Variants in MTUS2 observed in about 807,000 individuals in gnomAD.
MTUS2 encodes the protein microtubule associated scaffold protein 2.
Under a neutral mutation model 114.1 loss-of-function variants are expected in MTUS2, and 40 were observed. The ratio of observed to expected loss-of-function variants is 0.35; its 90% confidence interval spans 0.27 to 0.46. MTUS2 has a LOEUF of 0.46. MTUS2 is among the 20% of genes least tolerant of loss of function. MTUS2 has a pLI of 1.00. For missense variants in MTUS2, 1,679 were observed against 1,705.4 expected (o/e 0.98, Z 0.27); for synonymous variants, 688 against 672.0 (o/e 1.02, Z -0.37).
chr13:28,883,890 A>G (rs1012397777), intron 2 of MTUS2, among the ~76,000 whole-genome samples: 17 of 152,220 alleles, frequency 1.1e-4, no homozygotes, highest in African/African-American at 3.9e-4. Flanking sequence ...AGGGAAATAA[A>G]AAGTGTTGGT....
intron 5 of MTUS2, among the ~76,000 whole-genome samples, chr13:29,108,021 A>G (rs566777885): frequency 3.9e-5 from 6 of 152,356 alleles, no homozygotes; most frequent in South Asian, 2.1e-4. Flanking sequence ...GCTTTTTGCA[A>G]TGTTAACTTT....
chr13:29,226,482 G>A (rs1207176542), intron 5 of MTUS2, among the ~76,000 whole-genome samples: 1 of 152,062 alleles, frequency 6.6e-6, no homozygotes. Flanking sequence ...CTCAGTCAGA[G>A]GCCACCATCA....
intron 6 of MTUS2, among the ~76,000 whole-genome samples, chr13:29,302,397 G>T (rs1262162114): frequency 6.6e-6 from 1 of 152,174 alleles, no homozygotes; most frequent in Non-Finnish European, 1.5e-5. Flanking sequence ...AGGTCTTTGG[G>T]TCTATACACA....
chr13:29,378,266 C>CTT (rs775707632), intron 8 of MTUS2, among the ~76,000 whole-genome samples: 2 of 149,270 alleles, frequency 1.3e-5, no homozygotes, highest in Non-Finnish European at 3.0e-5. Context: ...GTCAGTGTTA[C>CTT]TGTATGTTAA....
At chr13:29,170,930 C>T (rs750404811) in intron 5 of MTUS2, among the ~76,000 whole-genome samples, 26 of 152,238 alleles carry the variant, frequency 1.7e-4, no homozygotes, top group Non-Finnish European at 3.2e-4. Context: ...GCTTGAATGG[C>T]GAGGGAGTGT....
At chr13:29,355,208 C>G (rs1479072674) in intron 7 of MTUS2, among the ~76,000 whole-genome samples, 1 of 152,228 alleles carries the variant, frequency 6.6e-6, no homozygotes, top group African/African-American at 2.4e-5. Context: ...CTCTCCAGTG[C>G]TCAGCCTTTG....
At chr13:29,359,228 A>C in intron 7 of MTUS2, 34 bp from the exon 8 acceptor site, 6 of 1,549,560 alleles carry the variant, frequency 3.9e-6, no homozygotes, top group Non-Finnish European at 5.2e-6. Context: ...GTGTTTTTTC[A>C]CAGGTGACCG....
intron 2 of MTUS2, among the ~76,000 whole-genome samples, chr13:28,876,498 G>A (rs577789967): frequency 1.0e-3 from 156 of 152,294 alleles, no homozygotes; most frequent in African/African-American, 3.3e-3. Flanking sequence ...AAAGATGGCT[G>A]CAGCAGTTCC....
chr13:29,331,302 G>C (rs928527730), intron 7 of MTUS2, among the ~76,000 whole-genome samples: 1 of 152,144 alleles, frequency 6.6e-6, no homozygotes, highest in Non-Finnish European at 1.5e-5. Flanking sequence ...CTGAGACTTT[G>C]GTGAAGTTGC....
At chr13:29,233,232 A>AG (rs1593199547) in intron 5 of MTUS2, among the ~76,000 whole-genome samples, 4 of 44,906 alleles carry the variant, frequency 8.9e-5, no homozygotes, top group East Asian at 1.8e-3. Flanking sequence ...GCATTTTTTA[A>AG]GAAAAAAAAA....
intron 5 of MTUS2, among the ~76,000 whole-genome samples, chr13:29,179,145 T>C (rs1195483921): frequency 2.0e-5 from 3 of 152,070 alleles, no homozygotes; most frequent in Non-Finnish European, 4.4e-5. Context: ...TATAGAGTAA[T>C]AGATGGATGT....
chr13:29,222,593 C>T (rs867554572), intron 5 of MTUS2, among the ~76,000 whole-genome samples: 6 of 151,434 alleles, frequency 4.0e-5, no homozygotes, highest in Non-Finnish European at 7.4e-5. Flanking sequence ...GTGGGAGAGG[C>T]GTAGCTGGGG....
rs114331319 is a variant in MTUS2 at position 29,145,248 on chromosome 13, A to G, written c.2644+44278A>G. Among the ~76,000 whole-genome samples, 1,156 of 152,300 alleles carry G rather than the reference A, an allele frequency of 7.6e-3. 9 individuals carry two copies. The highest frequency in any genetic ancestry group is 0.026 in the African/African-American group (1,077 of 41,574). On this transcript the variant is annotated intron_variant, in intron 5 of 15. Coordinates refer to ENST00000612955, the MANE Select transcript of MTUS2 (RefSeq NM_001033602.4). ...CTAAAATTCATAAATGAGTAAGGACACAGTGGCTCACTCCTGTAATCCCAG... is the reference window on the plus strand; with the variant it reads ...CTAAAATTCATAAATGAGTAAGGACGCAGTGGCTCACTCCTGTAATCCCAG...
chr13:29,047,704 G>A (rs1292351509), intron 4 of MTUS2, among the ~76,000 whole-genome samples: 1 of 151,988 alleles, frequency 6.6e-6, no homozygotes, highest in Non-Finnish European at 1.5e-5. Context: ...TAGTAGAGAC[G>A]GGATTTCACT....
chr13:29,100,653 C>G, intron 4 of MTUS2, 120 bp from the exon 5 acceptor site: 1 of 1,213,758 alleles, frequency 8.2e-7, no homozygotes, highest in Admixed American at 2.6e-5. Context: ...TGAATCAAAC[C>G]TTGCAAGATT....
chr13:28,863,442 G>A (rs539929311), intron 2 of MTUS2, among the ~76,000 whole-genome samples: 100 of 152,138 alleles, frequency 6.6e-4, no homozygotes, highest in Non-Finnish European at 1.2e-3. Flanking sequence ...CCTTGTCAAC[G>A]TTCTCATATA....
intron 2 of MTUS2, among the ~76,000 whole-genome samples, chr13:29,022,747 C>G (rs765627593): frequency 9.9e-5 from 15 of 152,192 alleles, no homozygotes; most frequent in Non-Finnish European, 1.9e-4. Context: ...ATAAAATGCA[C>G]TCATAATAGT....
chr13:29,301,515 T>C (rs1593278307), intron 6 of MTUS2, among the ~76,000 whole-genome samples: 1 of 152,240 alleles, frequency 6.6e-6, no homozygotes, highest in East Asian at 1.9e-4. Flanking sequence ...GGAACAACTT[T>C]ATTAATAATC....
rs1555272437 is a variant in MTUS2, at chr13:29,389,399, A to ATGTATACACGTGTGTGTG, written c.3117+29927_3117+29928insGTATACACGTGTGTGTGT. ...TATATATGTATACACGTGTGTGTATATATGTATACACGTGTGTGTGTATGT... is the reference window on the plus strand; with the variant it reads ...TATATATGTATACACGTGTGTGTATATGTATACACGTGTGTGTGTATGTATACACGTGTGTGTGTATGT... On this transcript the variant is annotated intron_variant, in intron 8 of 15. Coordinates refer to ENST00000612955, the MANE Select transcript of MTUS2 (RefSeq NM_001033602.4). Among the ~76,000 whole-genome samples the ATGTATACACGTGTGTGTG allele has an allele frequency of 2.1e-4, 14 of 67,990 alleles. 1 individual carries two copies. The highest frequency in any genetic ancestry group is 3.9e-4 in the African/African-American group (5 of 12,956). 44.6% of individuals were successfully genotyped at this position (67,990 alleles called of 152,430 possible). A position where few individuals can be genotyped will look rare whatever the true frequency, so the allele number is the denominator to read the frequency against.
Sources: gnomAD v4.1 joint callset for allele counts (sites outside exome capture counted in the v4.1 genomes callset) on GRCh38, gnomAD v4.1.1 for gene constraint, MANE v1.5 for transcripts, NCBI Gene and HGNC (gene_info 2026-07-23, HGNC 2026-07-21) for gene names.